Variants in PRKAR1A observed in about 807,000 individuals in gnomAD.
The protein encoded by PRKAR1A is protein kinase cAMP-dependent type I regulatory subunit alpha, also known as cAMP-dependent protein kinase type I-alpha regulatory subunit.
In PRKAR1A, 3 loss-of-function variants were observed where a neutral mutation model predicts 52.0. The observed-to-expected ratio is 0.06, with a 90% confidence interval of 0.03 to 0.15. The LOEUF is 0.15. Among genes scored for constraint, PRKAR1A ranks in the 10% least tolerant of loss-of-function variants. PRKAR1A has a pLI of 1.00. For synonymous variants in PRKAR1A, 188 were observed against 168.4 expected, an observed-to-expected ratio of 1.12 and a Z score of -0.90; for missense variants, 240 against 477.4, an observed-to-expected ratio of 0.50 and a Z score of 4.63.
At chr17:68,526,261 T>C (rs1184553067) in intron 7 of PRKAR1A, among the ~76,000 whole-genome samples, 1 of 152,228 alleles carries the variant, frequency 6.6e-6, no homozygotes, top group African/African-American at 2.4e-5. Flanking sequence ...TGCTTTTAAG[T>C]GCTTAAAGTT....
chr17:68,421,589 G>A, the PRKAR1A span: 9 of 731,184 alleles, frequency 1.2e-5, no homozygotes, highest in South Asian at 1.5e-4. Context: ...CGCGCCCATT[G>A]GCAACCAGGG....
chr17:68,509,711 G>T (rs146710807), upstream of PRKAR1A, among the ~76,000 whole-genome samples: 390 of 152,322 alleles, frequency 2.6e-3, 1 homozygote, highest in African/African-American at 8.9e-3. Context: ...CATTTGGAAA[G>T]CACTGAGGCT....
At chr17:68,427,017 G>A in the PRKAR1A span, 1 of 810,902 alleles carries the variant, frequency 1.2e-6, no homozygotes, top group Non-Finnish European at 2.0e-6. Context: ...GGGGGAAGGG[G>A]AGGGAGGGCA....
intron 7 of PRKAR1A, among the ~76,000 whole-genome samples, chr17:68,526,336 A>G (rs1419001416): frequency 6.6e-6 from 1 of 152,246 alleles, no homozygotes; most frequent in Non-Finnish European, 1.5e-5. Flanking sequence ...AGTAATGTAT[A>G]TGTATGTCAT....
chr17:68,515,122 T>TA (rs1279631411), intron 1 of PRKAR1A: 1 of 468,100 alleles, frequency 2.1e-6, no homozygotes, highest in East Asian at 4.1e-5. Context: ...CTGCAGAGGT[T>TA]AGTGGCTCAT....
chr17:68,464,708 CA>C, the PRKAR1A span, among the ~76,000 whole-genome samples: 1 of 35,542 alleles, frequency 2.8e-5, no homozygotes. Flanking sequence ...ACAAAAAAAA[CA>C]AAAAAAACAC....
the PRKAR1A span, chr17:68,428,617 T>C: frequency 1.9e-6 from 1 of 516,328 alleles, no homozygotes; most frequent in Non-Finnish European, 3.5e-6. Context: ...TGTGTGTTAT[T>C]AATCCTGGCA....
chr17:68,452,965 C>T, the PRKAR1A span: 4 of 1,613,956 alleles, frequency 2.5e-6, no homozygotes, highest in African/African-American at 5.3e-5. Context: ...ACAGCTTATA[C>T]CCGGCTTTAG....
the PRKAR1A span, among the ~76,000 whole-genome samples, chr17:68,459,530 A>T: frequency 2.0e-5 from 3 of 152,198 alleles, no homozygotes; most frequent in African/African-American, 7.2e-5. Flanking sequence ...GTGGGAAAAG[A>T]TCTAGAAGTC....
chr17:68,436,628 T>G, the PRKAR1A span: 2,189 of 671,858 alleles, frequency 3.3e-3, 8 homozygotes, highest in Admixed American at 9.0e-3. Context: ...CGCTGATGAT[T>G]CTTCTGATTA....
At chr17:68,486,884 T>G in the PRKAR1A span, among the ~76,000 whole-genome samples, 1 of 151,940 alleles carries the variant, frequency 6.6e-6, no homozygotes, top group Non-Finnish European at 1.5e-5. Flanking sequence ...GCGGATTTTT[T>G]TTTTTCTCAG....
the PRKAR1A span, chr17:68,444,430 G>A: frequency 2.0e-6 from 3 of 1,472,834 alleles, no homozygotes; most frequent in African/African-American, 2.8e-5. Flanking sequence ...GGAAAATAAA[G>A]CTTGGGAAAG....
At chr17:68,515,680 T>A in intron 2 of PRKAR1A, 104 bp downstream of exon 2, 1 of 1,348,740 alleles carries the variant, frequency 7.4e-7, no homozygotes, top group Non-Finnish European at 1.0e-6. Flanking sequence ...GGAATCTGAC[T>A]AAATAAAAAG....
chr17:68,430,237 G>A, the PRKAR1A span: 41 of 1,449,056 alleles, frequency 2.8e-5, no homozygotes, highest in Admixed American at 2.4e-4. Context: ...ACACCCAAGC[G>A]TCATTAGCCA....
At chr17:68,440,007 G>A in the PRKAR1A span, among the ~76,000 whole-genome samples, 2 of 152,176 alleles carry the variant, frequency 1.3e-5, no homozygotes, top group Non-Finnish European at 1.5e-5. Flanking sequence ...GGGAAGAAAC[G>A]TTTAAACTTT....
chr17:68,539,938 C>G, intron 11 of PRKAR1A: 3 of 1,614,200 alleles, frequency 1.9e-6, no homozygotes, highest in Non-Finnish European at 2.5e-6. Flanking sequence ...ACTTGGTGAA[C>G]ATCTCATAAT....
chr17:68,475,012 G>A, the PRKAR1A span, among the ~76,000 whole-genome samples: 1 of 152,232 alleles, frequency 6.6e-6, no homozygotes, highest in South Asian at 2.1e-4. Context: ...TTTTTGTAAT[G>A]AAAGAATAGC....
At chr17:68,542,085 C>T in intron 11 of PRKAR1A, 2 of 1,613,932 alleles carry the variant, frequency 1.2e-6, no homozygotes, top group Non-Finnish European at 1.7e-6. Flanking sequence ...AGGGAACCCT[C>T]CAGCAGGTGT....
At chr17:68,500,176 A>C in the PRKAR1A span, among the ~76,000 whole-genome samples, 1 of 152,236 alleles carries the variant, frequency 6.6e-6, no homozygotes, top group African/African-American at 2.4e-5. Context: ...AACAGTTCTC[A>C]AAATCACACT....
Sources: gnomAD v4.1 joint callset for allele counts (sites outside exome capture counted in the v4.1 genomes callset) on GRCh38, gnomAD v4.1.1 for gene constraint, MANE v1.5 for transcripts, NCBI Gene and HGNC (gene_info 2026-07-23, HGNC 2026-07-21) for gene names.